The following MYO10 variants were observed in gnomAD, a reference collection of about 807,000 sequenced individuals.
MYO10 encodes the protein unconventional myosin-X.
Under a neutral mutation model 257.3 loss-of-function variants are expected in MYO10, and 133 were observed. The observed-to-expected ratio is 0.52, with a 90% CI of 0.45 to 0.60. The LOEUF (loss-of-function observed/expected upper bound fraction) is 0.60, where lower values mean the gene tolerates loss of function less well. Among genes scored for constraint, MYO10 ranks in the 20% least tolerant of loss-of-function variants. The pLI, the probability that MYO10 is intolerant of heterozygous loss-of-function variation, is 0.00. For missense variants in MYO10, 2,399 were observed against 2,635.7 expected (o/e 0.91, Z 1.97); for synonymous variants, 1,104 against 1,028.6 (o/e 1.07, Z -1.40).
intron 26 of MYO10, among the ~76,000 whole-genome samples, chr5:16,698,497 C>T (rs944957880): frequency 6.6e-6 from 1 of 152,142 alleles, no homozygotes. Flanking sequence ...AATGCAAATG[C>T]TCATCATGAA....
At chr5:16,874,355 G>T (rs1257467323) in intron 2 of MYO10, among the ~76,000 whole-genome samples, 5 of 106,254 alleles carry the variant, frequency 4.7e-5, no homozygotes, top group South Asian at 1.1e-3. Context: ...GGGGGGGGGG[G>T]GGGGTTTCTT....
intron 2 of MYO10, among the ~76,000 whole-genome samples, chr5:16,854,508 G>A (rs1466903454): frequency 6.6e-6 from 1 of 152,178 alleles, no homozygotes; most frequent in Non-Finnish European, 1.5e-5. Flanking sequence ...CAGAGCTATA[G>A]AGACAGAAAG....
intron 1 of MYO10, among the ~76,000 whole-genome samples, chr5:16,933,375 C>T (rs553315839): frequency 6.6e-5 from 10 of 152,264 alleles, no homozygotes; most frequent in African/African-American, 2.4e-4. Context: ...ATAGCAGTTG[C>T]GAATCACAAG....
In MYO10 at chr5:16,764,414, GCA is replaced by G; in HGVS notation, c.1180-20_1180-19del. 2 of 1,613,074 alleles carry G rather than the reference GCA, an allele frequency of 1.2e-6. No individual in the cohort carries two copies. The highest frequency in any genetic ancestry group is 2.2e-5 in the East Asian group (1 of 44,846). On this transcript the variant is annotated intron_variant, in intron 11 of 40. Transcript: ENST00000513610. ...TCTACTGCCTGTGGGAGAGAAACCA[GCA>G]CAGACTCAGCTGACCCCGGGCACCC... is the stretch of plus-strand genomic sequence containing the variant.
intron 3 of MYO10, among the ~76,000 whole-genome samples, chr5:16,806,512 G>A (rs1742281685): frequency 6.6e-6 from 1 of 152,078 alleles, no homozygotes; most frequent in South Asian, 2.1e-4. Context: ...GCGTGGTGGC[G>A]GGCGCCTACT....
chr5:16,864,601 C>T (rs1377640764), intron 2 of MYO10, among the ~76,000 whole-genome samples: 1 of 152,170 alleles, frequency 6.6e-6, no homozygotes, highest in Admixed American at 6.5e-5. Flanking sequence ...AGGACAAGAG[C>T]GTGGCCTGCT....
At chr5:16,700,042 T>C (rs931812664) in intron 25 of MYO10, among the ~76,000 whole-genome samples, 2 of 152,184 alleles carry the variant, frequency 1.3e-5, no homozygotes, top group Admixed American at 1.3e-4. Context: ...TGAATTACTA[T>C]ATTAAATATA....
rs974921931 is a variant in MYO10 at position 16,747,500 on chromosome 5, A to C, written c.1929+7328T>G. Among the ~76,000 whole-genome samples, 5 of 152,238 alleles carry C rather than the reference A, an allele frequency of 3.3e-5. No homozygotes were observed. The South Asian group carries it at 8.3e-4, about 25-fold the overall frequency. ...GGTGTGCAGCAGGGTGCAAAGGCTG[A>C]GACAGGCCCTGCAGAGCTGCACTTG... is the stretch of plus-strand genomic sequence containing the variant. On this transcript the variant is annotated intron_variant, in intron 19 of 40. Transcript: ENST00000513610.
At chr5:16,702,749 C>G (rs1343205697) in intron 23 of MYO10, among the ~76,000 whole-genome samples, 161 bp from the exon 24 acceptor site, 1 of 152,164 alleles carries the variant, frequency 6.6e-6, no homozygotes, top group African/African-American at 2.4e-5. Flanking sequence ...TAAAAATATT[C>G]ACAGAACTGG....
chr5:16,929,448 A>G (rs2126807502), intron 1 of MYO10, among the ~76,000 whole-genome samples: 1 of 152,330 alleles, frequency 6.6e-6, no homozygotes, highest in East Asian at 1.9e-4. Flanking sequence ...GGACATCAAC[A>G]GGACAGAAAA....
At position 16,899,963 on chromosome 5, in the gene MYO10, G is replaced by A. The variant is rs189048162; in HGVS notation, c.22-22256C>T. ...CAGTGAGCAGAGATCGCAGCACTGCGCTCCAGCCTGGGCAACACAGCAAGA... is the reference window on the plus strand; with the variant it reads ...CAGTGAGCAGAGATCGCAGCACTGCACTCCAGCCTGGGCAACACAGCAAGA... On this transcript the variant is annotated intron_variant, in intron 1 of 40. Coordinates refer to ENST00000513610, the MANE Select transcript of MYO10 (RefSeq NM_012334.3). 5.2e-5 allele frequency among the ~76,000 whole-genome samples: 7 copies of A among 133,342 alleles called. No individual in the cohort carries two copies. The East Asian group carries it at 1.6e-3, about 31-fold the overall frequency. 87.5% of individuals were successfully genotyped at this position (133,342 alleles called of 152,430 possible).
chr5:16,900,326 T>C (rs1745342627), intron 1 of MYO10, among the ~76,000 whole-genome samples: 1 of 152,142 alleles, frequency 6.6e-6, no homozygotes, highest in Non-Finnish European at 1.5e-5. Context: ...AATTTCAACA[T>C]GATCATGGAA....
chr5:16,696,066 G>C (rs1211180361), intron 26 of MYO10, among the ~76,000 whole-genome samples: 3 of 152,176 alleles, frequency 2.0e-5, no homozygotes, highest in Non-Finnish European at 4.4e-5. Flanking sequence ...CTATTATCTT[G>C]TTGTTGTTAA....
intron 4 of MYO10, among the ~76,000 whole-genome samples, chr5:16,785,907 C>CGGCA (rs1741565643): frequency 1.3e-5 from 2 of 151,884 alleles, no homozygotes; most frequent in Admixed American, 6.6e-5. Flanking sequence ...ACAAAAAACC[C>CGGCA]GGCAGGCAGG....
intron 2 of MYO10, among the ~76,000 whole-genome samples, chr5:16,861,867 G>A (rs1320579528): frequency 6.6e-6 from 1 of 152,120 alleles, no homozygotes; most frequent in Non-Finnish European, 1.5e-5. Flanking sequence ...GTGGACTCCT[G>A]GACGTGTTAT....
chr5:16,759,169 C>A (rs1260648159), intron 17 of MYO10, among the ~76,000 whole-genome samples: 1 of 152,126 alleles, frequency 6.6e-6, no homozygotes, highest in Non-Finnish European at 1.5e-5. Flanking sequence ...GTGATCCACC[C>A]GCCTCGGCCT....
chr5:16,744,676 G>C (rs555721200), intron 19 of MYO10, among the ~76,000 whole-genome samples: 4 of 152,036 alleles, frequency 2.6e-5, no homozygotes, highest in Non-Finnish European at 5.9e-5. Flanking sequence ...GGGAACAGGT[G>C]GGGTAGTGGT....
chr5:16,746,524 A>T (rs1330905139), intron 19 of MYO10, among the ~76,000 whole-genome samples: 1 of 152,130 alleles, frequency 6.6e-6, no homozygotes, highest in Non-Finnish European at 1.5e-5. Context: ...ATTTCATCAT[A>T]ATTTTTGTAC....
chr5:16,685,703 A>AAGCCCCC, intron 29 of MYO10, 35 bp downstream of exon 29: 9 of 1,266,150 alleles, frequency 7.1e-6, no homozygotes, highest in African/African-American at 1.5e-5. Context: ...CTGCCCCTAG[A>AAGCCCCC]CGCCCCACCC....
Sources: allele counts gnomAD v4.1 joint callset (sites outside exome capture counted in the v4.1 genomes callset), GRCh38; gene constraint gnomAD v4.1.1; transcripts MANE v1.5; gene names NCBI Gene and HGNC (gene_info 2026-07-23, HGNC 2026-07-21).